The following ZNF846 variants were observed in gnomAD, a reference collection of about 807,000 sequenced individuals.
ZNF846 encodes zinc finger protein 846.
ZNF846 carries 15 observed loss-of-function variants against 16.0 expected under a neutral mutation model. That is an observed-to-expected ratio of 0.94 (90% CI 0.63 to 1.45). The LOEUF (loss-of-function observed/expected upper bound fraction) is 1.45, where lower values mean the gene tolerates loss of function less well. ZNF846 is among the 40% of genes most tolerant of loss of function. The pLI is 0.00. For missense variants in ZNF846, 714 were observed against 622.3 expected (o/e 1.15, Z -1.57); for synonymous variants, 229 against 212.0 (o/e 1.08, Z -0.70).
chr19:9,757,364 T>C, downstream of ZNF846: 1 of 873,934 alleles, frequency 1.1e-6, no homozygotes, highest in Admixed American at 2.7e-5. Flanking sequence ...GTTAAATTCA[T>C]TCCTATTATA....
intron 1 of ZNF846, among the ~76,000 whole-genome samples, chr19:9,766,429 A>G (rs1204663219): frequency 6.7e-6 from 1 of 149,744 alleles, no homozygotes; most frequent in East Asian, 1.9e-4. Flanking sequence ...AAAAAAAAAA[A>G]GCCACAGAAA....
chr19:9,757,838 T>C (rs777200761), exon 6 of ZNF846: 3 of 1,613,340 alleles, frequency 1.9e-6, no homozygotes, highest in African/African-American at 2.7e-5. Context: ...TGTGAATCCT[T>C]ACATGTTGAC....
intron 1 of ZNF846, chr19:9,774,928 A>C (rs1235614288): frequency 6.2e-7 from 1 of 1,609,462 alleles, no homozygotes; most frequent in African/African-American, 1.3e-5. Flanking sequence ...AAGAGTTTAC[A>C]AAGAAATATG....
At chr19:9,774,748 G>T in intron 1 of ZNF846, 1 of 1,561,390 alleles carries the variant, frequency 6.4e-7, no homozygotes, top group South Asian at 1.1e-5. Context: ...AAAAGGGGCA[G>T]GTCTGTCTGT....
intron 1 of ZNF846, among the ~76,000 whole-genome samples, chr19:9,768,078 GT>G (rs1157411246): frequency 2.6e-5 from 4 of 152,122 alleles, no homozygotes; most frequent in African/African-American, 9.7e-5. Flanking sequence ...TCTTTGGGAG[GT>G]ACTGACCTAG....
At chr19:9,755,895 T>C (rs568673885), downstream of ZNF846, among the ~76,000 whole-genome samples, 8 of 140,416 alleles carry the variant, frequency 5.7e-5, 1 homozygote, top group African/African-American at 1.9e-4. Flanking sequence ...GGCTGGAGTG[T>C]AGTGGCAAAA....
chr19:9,776,095 A>T (rs2045438115), intron 1 of ZNF846, among the ~76,000 whole-genome samples: 1 of 152,258 alleles, frequency 6.6e-6, no homozygotes, highest in Non-Finnish European at 1.5e-5. Flanking sequence ...CGGTAATGCC[A>T]GCGTCTGGGA....
chr19:9,783,534 A>ATATATATATAT (rs1239345823), intron 1 of ZNF846, among the ~76,000 whole-genome samples: 2 of 112,892 alleles, frequency 1.8e-5, no homozygotes, highest in Non-Finnish European at 3.4e-5. Context: ...ACTAAAAAAA[A>ATATATATATAT]AAAAAAAAAA....
intron 2 of ZNF846, 134 bp from the exon 3 acceptor site, chr19:9,763,542 G>C: frequency 1.4e-6 from 1 of 711,292 alleles, no homozygotes; most frequent in South Asian, 3.1e-5. Flanking sequence ...CCTCTATATA[G>C]ATATTGTCTT....
Position 9,763,425 on chromosome 19 carries a change from A to C in ZNF846, c.16-17T>G, listed in dbSNP as rs200770760. 6 of 1,581,192 alleles carry C rather than the reference A, an allele frequency of 3.8e-6. No individual in the cohort carries two copies. The highest frequency in any genetic ancestry group is 8.6e-7 in the Non-Finnish European group (1 of 1,166,002). ...CACTAAGTGCTAAACCATTAAATAC[A>C]TGCCAGCTTCAGCTAAGTACCATCT... On this transcript the variant is annotated splice_polypyrimidine_tract_variant and intron_variant, in intron 2 of 5. Transcript: ENST00000397902.
At chr19:9,754,557 T>G (rs2045114976), downstream of ZNF846, among the ~76,000 whole-genome samples, 2 of 98,456 alleles carry the variant, frequency 2.0e-5, no homozygotes, top group Non-Finnish European at 3.5e-5. Flanking sequence ...AGAGCGAGAC[T>G]CTGTCTTAAA....
rs1354890379 is a variant in ZNF846, at chr19:9,760,306, C to T, written c.230-364G>A. Among the ~76,000 whole-genome samples the T allele has an allele frequency of 2.1e-4, 31 of 147,220 alleles. No individual in the cohort carries two copies. The Admixed American group carries it at 2.1e-3, about 10-fold the overall frequency. On this transcript the variant is annotated intron_variant, in intron 4 of 5. Transcript: ENST00000397902. ...GACTTCGTCTCAAAAAAAAAAAATG[C>T]CTAAGGAACAGACATAGCATAATCA...
At chr19:9,751,746 A>T (rs1372795531), downstream of ZNF846, among the ~76,000 whole-genome samples, 1 of 152,134 alleles carries the variant, frequency 6.6e-6, no homozygotes, top group Non-Finnish European at 1.5e-5. Flanking sequence ...GTACTTTGTA[A>T]CATCCTCCCC....
intron 1 of ZNF846, among the ~76,000 whole-genome samples, chr19:9,784,055 T>A (rs2045533054): frequency 6.6e-6 from 1 of 152,096 alleles, no homozygotes; most frequent in African/African-American, 2.4e-5. Context: ...CCATGTAGAT[T>A]TTTTTCGTAT....
chr19:9,761,803 A>C (rs2045234827), intron 4 of ZNF846, among the ~76,000 whole-genome samples: 1 of 152,166 alleles, frequency 6.6e-6, no homozygotes, highest in South Asian at 2.1e-4. Context: ...AGAATCAAGA[A>C]AGCAATATAA....
intron 1 of ZNF846, chr19:9,774,378 G>T: frequency 1.9e-6 from 1 of 521,166 alleles, no homozygotes; most frequent in East Asian, 3.6e-5. Context: ...TGAGGCAGGA[G>T]AATGGCGTGA....
chr19:9,761,294 A>T (rs147488272), intron 4 of ZNF846, among the ~76,000 whole-genome samples: 541 of 152,230 alleles, frequency 3.6e-3, no homozygotes, highest in African/African-American at 0.013. Flanking sequence ...TATTTTACCT[A>T]AAAAAAGTAT....
chr19:9,777,602 C>T (rs996060275), intron 1 of ZNF846, among the ~76,000 whole-genome samples: 11 of 149,154 alleles, frequency 7.4e-5, no homozygotes, highest in South Asian at 2.1e-4. Context: ...ACCAGGGAGT[C>T]GGAGGTTGCA....
At chr19:9,768,112 C>T (rs2045346396) in intron 1 of ZNF846, among the ~76,000 whole-genome samples, 177 bp downstream of exon 1, 1 of 152,156 alleles carries the variant, frequency 6.6e-6, no homozygotes, top group Non-Finnish European at 1.5e-5. Flanking sequence ...CTTTTGATCT[C>T]AAAAACACAG....
Sources: allele counts gnomAD v4.1 joint callset (sites outside exome capture counted in the v4.1 genomes callset), GRCh38; gene constraint gnomAD v4.1.1; transcripts MANE v1.5; gene names NCBI Gene and HGNC (gene_info 2026-07-23, HGNC 2026-07-21).